The following MOCS1 variants were observed in gnomAD, a reference collection of about 807,000 sequenced individuals.
MOCS1 encodes molybdenum cofactor synthesis 1.
A neutral mutation model predicts 57.6 loss-of-function variants in MOCS1; 39 were observed. The ratio of observed to expected loss-of-function variants is 0.68; its 90% CI spans 0.52 to 0.88. The LOEUF (loss-of-function observed/expected upper bound fraction) is 0.88. Ranked by LOEUF, MOCS1 falls within the 40% of genes least tolerant of loss-of-function variation. The probability of loss-of-function intolerance (pLI) is 0.00; values close to 1 mark genes in which losing one functional copy is unlikely to be tolerated. For synonymous variants in MOCS1, 334 were observed against 335.7 expected, an observed-to-expected ratio of 1.00 and a Z score of 0.05; for missense variants, 795 against 831.1, an observed-to-expected ratio of 0.96 and a Z score of 0.53.
At chr6:39,912,783 T>C (rs2149403397) in intron 7 of MOCS1, 109 bp downstream of exon 7, 1 of 866,626 alleles carries the variant, frequency 1.2e-6, no homozygotes, top group East Asian at 2.4e-5. Flanking sequence ...AATGGTACCA[T>C]CCCACATCAC....
intron 1 of MOCS1, among the ~76,000 whole-genome samples, chr6:39,933,825 A>G (rs1768767318): frequency 6.6e-6 from 1 of 152,170 alleles, no homozygotes; most frequent in Admixed American, 6.5e-5. Context: ...GAGCCCTGGG[A>G]CTACAGTAAC....
chr6:39,911,626 C>T (rs1271182531), intron 8 of MOCS1, among the ~76,000 whole-genome samples: 1 of 152,166 alleles, frequency 6.6e-6, no homozygotes, highest in Non-Finnish European at 1.5e-5. Flanking sequence ...TTTAATCTGC[C>T]CTAGCCCGCC....
intron 3 of MOCS1, among the ~76,000 whole-genome samples, chr6:39,918,781 A>C (rs557349341): frequency 5.3e-5 from 8 of 152,346 alleles, no homozygotes; most frequent in African/African-American, 1.7e-4. Flanking sequence ...CAGTGGTTAC[A>C]AACAGGCAGT....
At chr6:39,932,838 C>A (rs1034558980) in intron 1 of MOCS1, among the ~76,000 whole-genome samples, 5 of 152,252 alleles carry the variant, frequency 3.3e-5, no homozygotes, top group African/African-American at 1.2e-4. Context: ...CTTTTAATCC[C>A]TGTGACATCC....
In MOCS1 at chr6:39,933,985, A is replaced by G. The variant is rs147785340; in HGVS notation, c.123+310T>C. Among the ~76,000 whole-genome samples the G allele has an allele frequency of 5.6e-4, 85 of 152,178 alleles. 1 individual carries two copies. In the East Asian group the frequency reaches 0.013, roughly 23 times the overall value. ...GTGCAAGGCAAGGCTGAAAGGTACT[A>G]AGACACCTCACTGGACCCAAAGTCC... On this transcript the variant is annotated intron_variant, in intron 1 of 10. Transcript: ENST00000340692.
Position 39,916,051 on chromosome 6 carries a change from C to G in MOCS1, c.583+17G>C, listed in dbSNP as rs2149407099. The stretch of plus-strand genomic sequence containing the variant: ...CAGGCCCTGGGAGGGACACCCACCC[C>G]ATCCACATCCGCTCACCTTTCCTGC... On this transcript the variant is annotated intron_variant, in intron 4 of 10. Transcript: ENST00000340692. 1 of 1,591,864 alleles carries G rather than the reference C, an allele frequency of 6.3e-7. No individual in the cohort carries two copies. Among genetic ancestry groups the G allele is most frequent in the East Asian group, 2.3e-5 (1 of 43,588 alleles).
chr6:39,905,742 AGCAGGACCGG>A lies in MOCS1; in HGVS notation c.*605_*614del, dbSNP rs1766853862. ...GAGGGGGGCCAGAGGAAAAGGGGCC[AGCAGGACCGG>A]GCAACTGTTAAGCTGAAAGGCTGCA... is the stretch of plus-strand genomic sequence containing the variant. On this transcript the variant is annotated 3_prime_UTR_variant, in exon 11 of 11. Coordinates refer to ENST00000340692, the MANE Select transcript of MOCS1 (RefSeq NM_001358530.2). 1 of 471,126 alleles carries A rather than the reference AGCAGGACCGG, an allele frequency of 2.1e-6. No homozygotes were observed. The highest frequency in any genetic ancestry group is 4.4e-6 in the Non-Finnish European group (1 of 227,080). The allele number at this position is 471,126 out of a possible 1,614,324, so 29.2% of individuals were successfully genotyped here.
intron 10 of MOCS1, 97 bp downstream of exon 10, chr6:39,908,958 T>C (rs1767122622): frequency 2.0e-6 from 2 of 998,830 alleles, no homozygotes; most frequent in Non-Finnish European, 3.2e-6. Flanking sequence ...GAAATCAGCA[T>C]GAAATGCAGG....
rs748969310 is a variant in MOCS1, at chr6:39,906,771, C to T, written c.1497G>A (p.Lys499=). The change falls in exon 11 of 11, where the codon AAG becomes AAA. Residue 499 remains lysine, a synonymous_variant. Transcript: ENST00000340692. ...GRAAMVDVGR[K]PDTERVAVAS... is the part of the protein sequence containing the mutation. Reference sequence around the variant, plus strand: ...CCACAGCCACCCGCTCTGTGTCTGGCTTCCTGCCCACATCTACCATAGCTG... The same window carrying T: ...CCACAGCCACCCGCTCTGTGTCTGGTTTCCTGCCCACATCTACCATAGCTG... 43 of 1,614,130 alleles carry T rather than the reference C, an allele frequency of 2.7e-5. No homozygotes were observed. The highest frequency in any genetic ancestry group is 1.6e-4 in the Middle Eastern group (1 of 6,084).
chr6:39,925,898 C>G (rs1768267222), intron 2 of MOCS1, 53 bp from the exon 3 acceptor site: 2 of 1,547,426 alleles, frequency 1.3e-6, no homozygotes, highest in East Asian at 4.5e-5. Context: ...ACGGCCACAG[C>G]CCCGTGATGC....
chr6:39,917,498 C>G (rs1482250021), intron 3 of MOCS1, among the ~76,000 whole-genome samples: 1 of 152,130 alleles, frequency 6.6e-6, no homozygotes, highest in Non-Finnish European at 1.5e-5. Flanking sequence ...TGGTGACACT[C>G]AGCAGTACCT....
chr6:39,904,697 T>G lies in MOCS1; in HGVS notation c.*1660A>C, dbSNP rs1766718857. ...CCAACTGGGGAACTGTGACTATCTA[T>G]CTCCCCCGACTTCTACCAGGGATGC... On this transcript the variant is annotated 3_prime_UTR_variant, in exon 11 of 11. Transcript: ENST00000340692. 2.2e-6 allele frequency: 1 copy of G among 453,304 alleles called. No homozygotes were observed. Among genetic ancestry groups the G allele is most frequent in the Non-Finnish European group, 4.4e-6 (1 of 226,718 alleles). 28.1% of individuals were successfully genotyped at this position (453,304 alleles called of 1,614,324 possible). A position where few individuals can be genotyped will look rare whatever the true frequency, so the allele number is the denominator to read the frequency against.
Position 39,906,796 on chromosome 6 carries a change from G to T in MOCS1, c.1472C>A (p.Ala491Glu). ...CTTCCTGCCCACATCTACCATAGCT[G>T]CCCGTCCTTCCGAGTCCACATGAGT... ...QLTHVDSEGRAAMVDVGRKPD... is the reference protein window; with the variant it reads ...QLTHVDSEGREAMVDVGRKPD... Residue 491 changes from alanine (A) to glutamate (E), a missense_variant, in exon 11 of 11, where the codon GCA (alanine) becomes GAA (glutamate). Coordinates refer to ENST00000340692, the MANE Select transcript of MOCS1 (RefSeq NM_001358530.2). The T allele has an allele frequency of 6.2e-7, 1 of 1,614,192 alleles. No homozygotes were observed. Among genetic ancestry groups the T allele is most frequent in the Non-Finnish European group, 8.5e-7 (1 of 1,180,038 alleles).
chr6:39,923,341 A>T (rs1768083947), intron 3 of MOCS1, among the ~76,000 whole-genome samples: 1 of 152,222 alleles, frequency 6.6e-6, no homozygotes, highest in South Asian at 2.1e-4. Context: ...GCACAAGTTC[A>T]CCCAGCCAGA....
chr6:39,923,218 C>A (rs1324073580), intron 3 of MOCS1, among the ~76,000 whole-genome samples: 1 of 152,226 alleles, frequency 6.6e-6, no homozygotes, highest in Non-Finnish European at 1.5e-5. Flanking sequence ...ACCCCTTGCC[C>A]ATCCCATTCC....
At chr6:39,913,539 T>C (rs1374639987) in intron 5 of MOCS1, 111 bp from the exon 6 acceptor site, 2 of 1,020,202 alleles carry the variant, frequency 2.0e-6, no homozygotes, top group Non-Finnish European at 3.0e-6. Context: ...GACCCATTCC[T>C]TGCTTCTCCC....
chr6:39,934,374 C>A lies in MOCS1; in HGVS notation c.44G>T (p.Arg15Met). Residue 15 changes from arginine (R) to methionine (M), a missense_variant, in exon 1 of 11, where the codon AGG (arginine) becomes ATG (methionine). Arg to Met is a moderately conservative substitution (Grantham distance 91). This residue lies in a region of MOCS1 where 416 missense variants were observed against 392.4 expected (regional missense o/e 1.06). Transcript: ENST00000340692. Reference protein sequence around the residue: ...PLSRMLRRLLRSSARSCSSGA... With the variant: ...PLSRMLRRLLMSSARSCSSGA... ...TGAGCTGCAGCTCCGGGCGCTGGAC[C>A]TCAGAAGCCGCCGCAGCATCCGGGA... The A allele has an allele frequency of 6.4e-7, 1 of 1,559,524 alleles. No homozygotes were observed. Among genetic ancestry groups the A allele is most frequent in the Admixed American group, 1.9e-5 (1 of 53,312 alleles).
intron 3 of MOCS1, among the ~76,000 whole-genome samples, chr6:39,920,672 C>T (rs1582824330): frequency 6.6e-6 from 1 of 152,252 alleles, no homozygotes; most frequent in Admixed American, 6.5e-5. Context: ...AACGCTATAT[C>T]TACTTTTTAA....
At position 39,906,693 on chromosome 6, in the gene MOCS1, G is replaced by A; in HGVS notation, c.1575C>T (p.Asn525=). The A allele has an allele frequency of 6.2e-7, 1 of 1,614,176 alleles. No individual in the cohort carries two copies. Among genetic ancestry groups the A allele is most frequent in the South Asian group, 1.1e-5 (1 of 91,090 alleles). The part of the protein sequence containing the change: ...GPVAFKLVQQ[N]QLKKGDALVV... ...CTAGGGCATCTCCTTTCTTGAGCTG[G>A]TTCTGCTGGACAAGCTTGAAGGCTA... Residue 525 remains asparagine, a synonymous_variant, in exon 11 of 11, where the codon AAC becomes AAT. Coordinates refer to ENST00000340692, the MANE Select transcript of MOCS1 (RefSeq NM_001358530.2).
Sources: gnomAD v4.1 joint callset for allele counts (sites outside exome capture counted in the v4.1 genomes callset) on GRCh38, gnomAD v4.1.1 for gene constraint, gnomAD v4.1.1 regional missense constraint, MANE v1.5 for transcripts, NCBI Gene and HGNC (gene_info 2026-07-23, HGNC 2026-07-21) for gene names.